SHROOM2: variants seen among roughly 807,000 people sequenced by gnomAD.
SHROOM2 encodes protein Shroom2.
SHROOM2 carries 33 observed loss-of-function variants against 75.9 expected under a neutral mutation model. The ratio of observed to expected loss-of-function variants is 0.43; its 90% confidence interval spans 0.33 to 0.58. The LOEUF is 0.58. Ranked by LOEUF, SHROOM2 falls within the 20% of genes least tolerant of loss-of-function variation. The pLI, the probability that SHROOM2 is intolerant of heterozygous loss-of-function variation, is 0.04. For missense variants in SHROOM2, 1,434 were observed against 1,461.2 expected (o/e 0.98, Z 0.30); for synonymous variants, 655 against 663.6 (o/e 0.99, Z 0.20).
chrX:9,913,184 A>G (rs937649986), intron 5 of SHROOM2: 11 of 112,483 alleles, frequency 9.8e-5, no homozygotes, highest in African/African-American at 3.2e-4. Flanking sequence ...AGAAACAGGC[A>G]TTCTCACTAC....
intron 1 of SHROOM2, among the ~76,000 whole-genome samples, chrX:9,851,921 G>A (rs2084043112): frequency 8.9e-6 from 1 of 112,317 alleles, no homozygotes; most frequent in African/African-American, 3.2e-5. Context: ...TTAACTGAGA[G>A]CCAAGGATCT....
At chrX:9,874,312 T>C (rs1569155627) in intron 2 of SHROOM2, among the ~76,000 whole-genome samples, 1 of 111,759 alleles carries the variant, frequency 8.9e-6, no homozygotes, top group Non-Finnish European at 1.9e-5. Flanking sequence ...TTTTAAGAGG[T>C]TAGAAAGTGA....
intron 5 of SHROOM2, among the ~76,000 whole-genome samples, chrX:9,907,046 G>T (rs1042895331): frequency 9.0e-6 from 1 of 110,756 alleles, no homozygotes; most frequent in Non-Finnish European, 1.9e-5. Flanking sequence ...CGTTGGGGCA[G>T]GGGGGAGGCG....
chrX:9,923,182 T>C (rs948720662), intron 5 of SHROOM2, among the ~76,000 whole-genome samples: 2 of 110,949 alleles, frequency 1.8e-5, no homozygotes, highest in Admixed American at 1.9e-4. Flanking sequence ...CAGTAGTCCA[T>C]ATGTGAACCA....
intron 5 of SHROOM2, among the ~76,000 whole-genome samples, chrX:9,928,121 C>T (rs766548636): frequency 1.1e-4 from 12 of 111,470 alleles, no homozygotes; most frequent in African/African-American, 3.9e-4. Flanking sequence ...CTTTGAGGTG[C>T]TGTTTTAGAG....
intron 5 of SHROOM2, among the ~76,000 whole-genome samples, chrX:9,925,336 G>A (rs945859562): frequency 6.2e-5 from 7 of 112,673 alleles, no homozygotes; most frequent in Non-Finnish European, 1.1e-4. Flanking sequence ...CTTCTTCAGC[G>A]TGTGAACACC....
At chrX:9,908,944 A>AAAATTAAATAAATAAAT (rs1555936917) in intron 5 of SHROOM2, among the ~76,000 whole-genome samples, 2 of 102,959 alleles carry the variant, frequency 1.9e-5, no homozygotes, top group East Asian at 6.8e-4. Flanking sequence ...CCCTCTCTCA[A>AAAATTAAATAAATAAAT]AAATAAATAA....
At chrX:9,799,444 G>A (rs2083712797) in intron 1 of SHROOM2, among the ~76,000 whole-genome samples, 2 of 110,690 alleles carry the variant, frequency 1.8e-5, no homozygotes, top group Non-Finnish European at 3.8e-5. Flanking sequence ...GGGATTACAG[G>A]TGTGAGCCAC....
intron 1 of SHROOM2, among the ~76,000 whole-genome samples, chrX:9,794,278 C>T (rs1323257932): frequency 8.9e-6 from 1 of 112,186 alleles, no homozygotes; most frequent in Non-Finnish European, 1.9e-5. Flanking sequence ...CAGCCCCTGC[C>T]TCTTTGCAAC....
intron 2 of SHROOM2, among the ~76,000 whole-genome samples, chrX:9,888,968 G>C (rs373336836): frequency 9.0e-6 from 1 of 111,569 alleles, no homozygotes; most frequent in South Asian, 3.8e-4. Context: ...CTTTCCTCCA[G>C]TTTCAGTCAG....
At chrX:9,940,841 C>T (rs371898554) in intron 8 of SHROOM2, among the ~76,000 whole-genome samples, 10 of 111,426 alleles carry the variant, frequency 9.0e-5, no homozygotes, top group African/African-American at 2.9e-4. Context: ...ATTCCCAGGG[C>T]GACCACAGTT....
chrX:9,843,016 G>C (rs1316333371), intron 1 of SHROOM2, among the ~76,000 whole-genome samples: 1 of 112,068 alleles, frequency 8.9e-6, no homozygotes, highest in Non-Finnish European at 1.9e-5. Context: ...TAAAAACACC[G>C]GCTCAGGGGA....
At chrX:9,812,901 T>C (rs2083799518) in intron 1 of SHROOM2, among the ~76,000 whole-genome samples, 1 of 112,313 alleles carries the variant, frequency 8.9e-6, no homozygotes, top group Admixed American at 9.4e-5. Flanking sequence ...GGAGATGTGT[T>C]AGTTTGCTCA....
intron 1 of SHROOM2, among the ~76,000 whole-genome samples, chrX:9,806,466 A>G (rs184035806): frequency 1.5e-3 from 166 of 108,058 alleles, no homozygotes; most frequent in African/African-American, 5.1e-3. Flanking sequence ...GATTGTGTGT[A>G]TATATATATG....
intron 1 of SHROOM2, among the ~76,000 whole-genome samples, chrX:9,794,879 A>G (rs1233945278): frequency 9.0e-6 from 1 of 111,386 alleles, no homozygotes; most frequent in Non-Finnish European, 1.9e-5. Flanking sequence ...ATTCAGACAC[A>G]CCGGGGGTCA....
intron 1 of SHROOM2, among the ~76,000 whole-genome samples, chrX:9,842,695 G>T (rs1243574449): frequency 8.9e-6 from 1 of 112,371 alleles, no homozygotes; most frequent in Non-Finnish European, 1.9e-5. Context: ...TAGCTTGCAG[G>T]CTGGGTTGTC....
intron 1 of SHROOM2, among the ~76,000 whole-genome samples, chrX:9,805,392 T>G (rs1345622123): frequency 8.9e-6 from 1 of 112,569 alleles, no homozygotes; most frequent in African/African-American, 3.2e-5. Flanking sequence ...ATCTGAATAT[T>G]TCTGTCCCCC....
chrX:9,912,990 C>T (rs1269930764), intron 5 of SHROOM2: 1 of 112,076 alleles, frequency 8.9e-6, no homozygotes, highest in Non-Finnish European at 1.9e-5. Flanking sequence ...GCTCTTAACA[C>T]CGTGTTCTAG....
At chrX:9,893,679 C>T (rs1445944379) in intron 3 of SHROOM2, among the ~76,000 whole-genome samples, 1 of 111,130 alleles carries the variant, frequency 9.0e-6, no homozygotes, top group Non-Finnish European at 1.9e-5. Context: ...GGGCTGGGTG[C>T]GGTGGCTCAT....
Sources: gnomAD v4.1 joint callset for allele counts (sites outside exome capture counted in the v4.1 genomes callset) on GRCh38, gnomAD v4.1.1 for gene constraint, MANE v1.5 for transcripts, NCBI Gene and HGNC (gene_info 2026-07-23, HGNC 2026-07-21) for gene names.